The following RDH12 variants were observed in gnomAD, a reference collection of about 807,000 sequenced individuals.
RDH12 encodes the protein retinol dehydrogenase 12.
Under a neutral mutation model 34.0 loss-of-function variants are expected in RDH12, and 21 were observed. The ratio of observed to expected loss-of-function variants is 0.62; its 90% CI spans 0.44 to 0.89. RDH12 has a LOEUF of 0.89. Ranked by LOEUF, RDH12 falls within the 40% of genes least tolerant of loss-of-function variation. RDH12 has a pLI of 0.00. For synonymous variants in RDH12, 198 were observed against 169.9 expected (o/e 1.17, Z -1.29); for missense variants, 394 against 398.6 (o/e 0.99, Z 0.10).
rs1203442033 is a variant in RDH12 at position 67,727,507 on chromosome 14, AG to A, written c.658+318del. 10 of 324,500 alleles carry A rather than the reference AG, an allele frequency of 3.1e-5. No individual in the cohort carries two copies. The East Asian group carries it at 8.5e-4, about 28-fold the overall frequency. 20.1% of individuals were successfully genotyped at this position (324,500 alleles called of 1,614,324 possible). A position where few individuals can be genotyped will look rare whatever the true frequency, so the allele number is the denominator to read the frequency against. ...TTTGTTTTTTTTTTTTTGAGACTTG[AG>A]TTTCGCTCTTGTCGCCCAGGCTGGA... On this transcript the variant is annotated intron_variant, in intron 7 of 8. Coordinates refer to ENST00000551171, the MANE Select transcript of RDH12 (RefSeq NM_152443.3).
chr14:67,720,344 C>A (rs566540591), intron 1 of RDH12, among the ~76,000 whole-genome samples: 2 of 152,180 alleles, frequency 1.3e-5, no homozygotes, highest in South Asian at 4.2e-4. Context: ...TTTATCTTGC[C>A]TTGTGTATGA....
Position 67,727,167 on chromosome 14 carries a change from G to A in RDH12, c.635G>A (p.Arg212His), listed in dbSNP as rs768529116. The change falls in exon 7 of 9, where the codon CGT becomes CAT. Residue 212 changes from arginine to histidine, a missense_variant. Physicochemically the swap from Arg to His is conservative, Grantham distance 29 (BLOSUM62 0). Coordinates refer to ENST00000551171, the MANE Select transcript of RDH12 (RefSeq NM_152443.3). ...AAGCTGGCCAATGTGCTTTTTACTCGTGAGCTGGCCAAGAGGCTCCAAGGT... is the reference window on the plus strand; with the variant it reads ...AAGCTGGCCAATGTGCTTTTTACTCATGAGCTGGCCAAGAGGCTCCAAGGT... ...HSKLANVLFT[R>H]ELAKRLQGTG... 10 of 1,613,396 alleles carry A rather than the reference G, an allele frequency of 6.2e-6. No individual in the cohort carries two copies. Among genetic ancestry groups the A allele is most frequent in the South Asian group, 5.5e-5 (5 of 90,912 alleles).
intron 1 of RDH12, chr14:67,714,485 T>A (rs996481770): frequency 6.6e-6 from 1 of 152,478 alleles, no homozygotes; most frequent in Non-Finnish European, 1.5e-5. Context: ...ATATTCTTTT[T>A]ATTAAAAAGA....
Position 67,729,210 on chromosome 14 carries a change from CGCA to C in RDH12, c.680_682del (p.Ala227del). 6 of 1,612,630 alleles carry C rather than the reference CGCA, an allele frequency of 3.7e-6. No homozygotes were observed. Among genetic ancestry groups the C allele is most frequent in the Non-Finnish European group, 4.2e-6 (5 of 1,180,004 alleles). On this transcript the variant is annotated inframe_deletion, in exon 8 of 9. Transcript: ENST00000551171. ...TCCCAGGCACCGGGGTCACCACCTA[CGCA>C]GTGCACCCAGGCGTCGTCCGCTCTG...
rs1035808739 is a variant in RDH12 at position 67,729,303 on chromosome 14, G to A, written c.771G>A (p.Thr257=). The part of the protein sequence containing the change: ...LWRLFSPFVK[T]AREGAQTSLH... ...GGCTCTTCTCCCCCTTTGTCAAGACGGCACGGGAGGGGGCGCAGACCAGCC... is the reference window on the plus strand; with the variant it reads ...GGCTCTTCTCCCCCTTTGTCAAGACAGCACGGGAGGGGGCGCAGACCAGCC... Residue 257 remains threonine, a synonymous_variant, in exon 8 of 9, where the codon ACG becomes ACA. Coordinates refer to ENST00000551171, the MANE Select transcript of RDH12 (RefSeq NM_152443.3). 4 of 1,602,066 alleles carry A rather than the reference G, an allele frequency of 2.5e-6. No homozygotes were observed. Among genetic ancestry groups the A allele is most frequent in the East Asian group, 2.2e-5 (1 of 44,880 alleles).
In RDH12 at chr14:67,724,579, C is replaced by T. The variant is rs1379647216; in HGVS notation, c.175C>T (p.Leu59Phe). Residue 59 changes from leucine (L) to phenylalanine (F), a missense_variant, in exon 4 of 9, where the codon CTC becomes TTC. Transcript: ENST00000551171. ...TGIGKETARELASRGARVYIA... is the reference protein window; with the variant it reads ...TGIGKETAREFASRGARVYIA... ...CATTGGCAAGGAGACGGCCAGAGAG[C>T]TCGCTAGCCGAGGTAAGTGTTTCCC... 1 of 1,612,816 alleles carries T rather than the reference C, an allele frequency of 6.2e-7. No homozygotes were observed. Among genetic ancestry groups the T allele is most frequent in the South Asian group, 1.1e-5 (1 of 91,046 alleles).
chr14:67,718,700 T>C (rs1295461279), intron 1 of RDH12, among the ~76,000 whole-genome samples: 2 of 152,222 alleles, frequency 1.3e-5, no homozygotes, highest in South Asian at 2.1e-4. Context: ...CTGTGACTTA[T>C]GCCTATATCT....
Position 67,724,362 on chromosome 14 carries a change from T to TA in RDH12, c.69-108dup, listed in dbSNP as rs2038159845. On this transcript the variant is annotated intron_variant, in intron 3 of 8. Coordinates refer to ENST00000551171, the MANE Select transcript of RDH12 (RefSeq NM_152443.3). ...TTTTATGAGTCTCCTGACTGCAACT[T>TA]AAAGATACCCTTCTTTGAGGCTGGA... 4 of 854,676 alleles carry TA rather than the reference T, an allele frequency of 4.7e-6. No individual in the cohort carries two copies. In the African/African-American group the frequency reaches 5.1e-5, roughly 11 times the overall value. The allele number at this position is 854,676 out of a possible 1,614,324, so 52.9% of individuals were successfully genotyped here. A position where few individuals can be genotyped will look rare whatever the true frequency, so the allele number is the denominator to read the frequency against.
At position 67,730,985 on chromosome 14, in the gene RDH12, G is replaced by C. The variant is rs563414225; in HGVS notation, c.848+1605G>C. Among the ~76,000 whole-genome samples the C allele has an allele frequency of 4.6e-5, 7 of 152,198 alleles. No individual in the cohort carries two copies. In the East Asian group the frequency reaches 1.4e-3, roughly 29 times the overall value. On this transcript the variant is annotated intron_variant, in intron 8 of 8. Transcript: ENST00000551171. The stretch of plus-strand genomic sequence containing the variant: ...TATCTCATTTTATATTTTTAAATGA[G>C]ATAAAAGATATCTCATTTTTTATAT...
At chr14:67,708,223 A>G (rs2037970615) in intron 1 of RDH12, among the ~76,000 whole-genome samples, 1 of 152,214 alleles carries the variant, frequency 6.6e-6, no homozygotes, top group Non-Finnish European at 1.5e-5. Context: ...ACTCTGAAAA[A>G]CAAAAAAAAG....
chr14:67,707,746 C>T (rs916180747), intron 1 of RDH12, among the ~76,000 whole-genome samples: 7 of 152,170 alleles, frequency 4.6e-5, no homozygotes, highest in Admixed American at 1.3e-4. Context: ...TGAGCCCAGC[C>T]GTGGATTTGT....
chr14:67,724,911 G>A (rs1404996584), intron 4 of RDH12, among the ~76,000 whole-genome samples, 188 bp from the exon 5 acceptor site: 1 of 152,186 alleles, frequency 6.6e-6, no homozygotes, highest in Non-Finnish European at 1.5e-5. Context: ...CCCAGCCTGG[G>A]ATTAAACTGA....
At chr14:67,724,144 T>C (rs2038157039) in intron 3 of RDH12, among the ~76,000 whole-genome samples, 1 of 152,244 alleles carries the variant, frequency 6.6e-6, no homozygotes, top group Non-Finnish European at 1.5e-5. Flanking sequence ...AGCTTTCCTC[T>C]GGAACCTCTA....
chr14:67,730,892 C>T lies in RDH12; in HGVS notation c.848+1512C>T, dbSNP rs112129779. Reference sequence around the variant, plus strand: ...GTGCTGGGATTACAGGCGTGAGCCACCGCGCCCAGCCCCAAGCATTTCTGA... The same window carrying T: ...GTGCTGGGATTACAGGCGTGAGCCATCGCGCCCAGCCCCAAGCATTTCTGA... On this transcript the variant is annotated intron_variant, in intron 8 of 8. Transcript: ENST00000551171. 1.1e-3 allele frequency among the ~76,000 whole-genome samples: 163 copies of T among 152,260 alleles called. 2 individuals are homozygous for T. The highest frequency in any genetic ancestry group is 3.5e-3 in the African/African-American group (146 of 41,562).
chr14:67,722,203 C>T (rs755378489), intron 2 of RDH12, among the ~76,000 whole-genome samples: 3 of 152,128 alleles, frequency 2.0e-5, no homozygotes, highest in Non-Finnish European at 2.9e-5. Context: ...TTTTAATCCA[C>T]TCATATTTTA....
At chr14:67,713,217 C>T (rs890621273) in intron 1 of RDH12, among the ~76,000 whole-genome samples, 1 of 151,634 alleles carries the variant, frequency 6.6e-6, no homozygotes, top group Non-Finnish European at 1.5e-5. Flanking sequence ...CTGAAAACAA[C>T]TCTCTACCAT....
chr14:67,710,942 A>G (rs1226189399), intron 1 of RDH12, among the ~76,000 whole-genome samples: 1 of 152,210 alleles, frequency 6.6e-6, no homozygotes, highest in Non-Finnish European at 1.5e-5. Context: ...ATTTAAAATT[A>G]TGGAACCACC....
At chr14:67,728,139 T>G (rs1182883720) in intron 7 of RDH12, 1 of 152,248 alleles carries the variant, frequency 6.6e-6, no homozygotes, top group African/African-American at 2.4e-5. Flanking sequence ...CTGCTGGCTC[T>G]GACATCTGCG....
chr14:67,727,512 C>T (rs549703570), intron 7 of RDH12: 216 of 320,100 alleles, frequency 6.7e-4, no homozygotes, highest in Non-Finnish European at 1.1e-3. Context: ...ACTTGAGTTT[C>T]GCTCTTGTCG....
Sources: gnomAD v4.1 joint callset for allele counts (sites outside exome capture counted in the v4.1 genomes callset) on GRCh38, gnomAD v4.1.1 for gene constraint, MANE v1.5 for transcripts, NCBI Gene and HGNC (gene_info 2026-07-23, HGNC 2026-07-21) for gene names.